LRP1B: variants seen among roughly 807,000 people sequenced by gnomAD.
The protein encoded by LRP1B is LDL receptor related protein 1B.
In LRP1B, 217 loss-of-function variants were observed where a neutral mutation model predicts 556.6. That is an observed-to-expected ratio of 0.39 (90% CI 0.35 to 0.44). The LOEUF (loss-of-function observed/expected upper bound fraction) is 0.44, where lower values mean the gene tolerates loss of function less well. Among genes scored for constraint, LRP1B ranks in the 20% least tolerant of loss-of-function variants. The probability of loss-of-function intolerance (pLI) is 1.00; values close to 1 mark genes in which losing one functional copy is unlikely to be tolerated. For synonymous variants in LRP1B, 2,047 were observed against 1,865.8 expected (o/e 1.10, Z -2.50); for missense variants, 5,053 against 5,620.8 (o/e 0.90, Z 3.23).
intron 1 of LRP1B, among the ~76,000 whole-genome samples, chr2:142,087,462 T>G (rs1316213782): frequency 6.6e-6 from 1 of 151,698 alleles, no homozygotes; most frequent in Non-Finnish European, 1.5e-5. Context: ...AGTATGGACC[T>G]CCAAAGAGAA....
chr2:140,571,717 A>G (rs565823033), intron 43 of LRP1B, among the ~76,000 whole-genome samples: 8 of 151,848 alleles, frequency 5.3e-5, no homozygotes, highest in Non-Finnish European at 1.0e-4. Context: ...GAAAAGTAAA[A>G]AAACAAAGAT....
chr2:140,630,363 AG>A (rs1683834558), intron 41 of LRP1B, among the ~76,000 whole-genome samples: 1 of 152,234 alleles, frequency 6.6e-6, no homozygotes, highest in African/African-American at 2.4e-5. Context: ...ATAAGAGAAA[AG>A]CTGCAAAACT....
chr2:141,894,887 T>G (rs1699398889), intron 1 of LRP1B, among the ~76,000 whole-genome samples: 2 of 151,442 alleles, frequency 1.3e-5, no homozygotes, highest in Admixed American at 1.3e-4. Context: ...CTGTCTCTAC[T>G]AAAAATTAAA....
intron 2 of LRP1B, among the ~76,000 whole-genome samples, chr2:141,635,658 G>A (rs1173143411): frequency 1.3e-5 from 2 of 152,150 alleles, no homozygotes; most frequent in East Asian, 1.9e-4. Context: ...GTTGGCTTTT[G>A]CATATAGCCT....
chr2:141,300,258 G>T (rs1686340162), intron 3 of LRP1B, among the ~76,000 whole-genome samples: 4 of 152,144 alleles, frequency 2.6e-5, no homozygotes, highest in South Asian at 2.1e-4. Flanking sequence ...TAAGACAACT[G>T]CTTTGGAGGT....
intron 3 of LRP1B, among the ~76,000 whole-genome samples, chr2:141,370,600 G>T (rs1351355463): frequency 6.6e-6 from 1 of 152,022 alleles, no homozygotes; most frequent in Non-Finnish European, 1.5e-5. Context: ...TCTGCAAGTT[G>T]TTGTTTCACT....
chr2:141,337,338 T>A (rs1457435222), intron 3 of LRP1B, among the ~76,000 whole-genome samples: 1 of 152,226 alleles, frequency 6.6e-6, no homozygotes, highest in Non-Finnish European at 1.5e-5. Context: ...ATTCTAATAT[T>A]GTCTTTGATT....
At chr2:140,992,018 A>G (rs963723638) in intron 16 of LRP1B, among the ~76,000 whole-genome samples, 1 of 152,112 alleles carries the variant, frequency 6.6e-6, no homozygotes, top group African/African-American at 2.4e-5. Flanking sequence ...TTCTATAAAT[A>G]TCGCTCTGAA....
chr2:141,395,039 G>T (rs879272825), intron 3 of LRP1B, among the ~76,000 whole-genome samples: 3 of 152,104 alleles, frequency 2.0e-5, no homozygotes, highest in Non-Finnish European at 4.4e-5. Flanking sequence ...TATACAAATT[G>T]TGGTCCCATG....
chr2:140,921,313 A>G (rs1000995561), intron 21 of LRP1B, among the ~76,000 whole-genome samples: 9 of 151,924 alleles, frequency 5.9e-5, no homozygotes, highest in African/African-American at 2.2e-4. Context: ...ATTGGTTTAT[A>G]TTTTGTTTTA....
chr2:140,357,556 A>G (rs1326246174), intron 74 of LRP1B, among the ~76,000 whole-genome samples: 1 of 151,756 alleles, frequency 6.6e-6, no homozygotes, highest in Admixed American at 6.6e-5. Context: ...AACTAAAAAA[A>G]AAAATCACAT....
intron 41 of LRP1B, among the ~76,000 whole-genome samples, chr2:140,670,225 C>A (rs955775034): frequency 1.3e-5 from 2 of 152,090 alleles, no homozygotes; most frequent in South Asian, 2.1e-4. Context: ...GCATTTATAT[C>A]CATTGCTTCC....
intron 84 of LRP1B, among the ~76,000 whole-genome samples, chr2:140,278,514 C>A (rs1018024847): frequency 6.6e-6 from 1 of 151,908 alleles, no homozygotes; most frequent in Non-Finnish European, 1.5e-5. Flanking sequence ...ACTTTTTATG[C>A]TTTACAGAAA....
intron 3 of LRP1B, among the ~76,000 whole-genome samples, chr2:141,268,517 T>C (rs1684972085): frequency 6.6e-6 from 1 of 152,072 alleles, no homozygotes; most frequent in Non-Finnish European, 1.5e-5. Context: ...GATATGAATG[T>C]CACTCAATGA....
chr2:142,097,190 C>A (rs190450850), intron 1 of LRP1B, among the ~76,000 whole-genome samples: 248 of 151,696 alleles, frequency 1.6e-3, no homozygotes, highest in African/African-American at 5.7e-3. Flanking sequence ...TGCATAACAT[C>A]AAAAATTACC....
At chr2:141,544,314 T>TTCC (rs1559130860) in intron 2 of LRP1B, among the ~76,000 whole-genome samples, 1 of 23,708 alleles carries the variant, frequency 4.2e-5, no homozygotes, top group African/African-American at 2.5e-4. Context: ...CTTCTTCTTC[T>TTCC]TCTTCTTCTT....
chr2:140,972,130 A>T (rs1303165568), intron 18 of LRP1B, among the ~76,000 whole-genome samples: 1 of 152,224 alleles, frequency 6.6e-6, no homozygotes. Context: ...AGGTATTTAC[A>T]AAACAGGAAA....
intron 2 of LRP1B, among the ~76,000 whole-genome samples, chr2:141,653,716 C>T (rs1191710): frequency 1 from 152,074 of 152,324 alleles, 75,912 homozygotes; most frequent in Middle Eastern, 1. Flanking sequence ...ACTCAGATGG[C>T]GGTGCCTAAG....
chr2:141,086,488 T>G (rs1476364474), intron 7 of LRP1B, among the ~76,000 whole-genome samples: 3 of 152,196 alleles, frequency 2.0e-5, no homozygotes, highest in African/African-American at 7.2e-5. Flanking sequence ...CAGTTAGAGT[T>G]CCTGGACCTT....
Sources: allele counts gnomAD v4.1 joint callset (sites outside exome capture counted in the v4.1 genomes callset), GRCh38; gene constraint gnomAD v4.1.1; transcripts MANE v1.5; gene names NCBI Gene and HGNC (gene_info 2026-07-23, HGNC 2026-07-21).